SERINC5: variants seen among roughly 807,000 people sequenced by gnomAD.
SERINC5 encodes the protein chromosome 5 open reading frame 12.
A neutral mutation model predicts 63.1 loss-of-function variants in SERINC5; 41 were observed. The ratio of observed to expected loss-of-function variants is 0.65; its 90% CI spans 0.51 to 0.84. The LOEUF (loss-of-function observed/expected upper bound fraction) is 0.84, where lower values mean the gene tolerates loss of function less well. Among genes scored for constraint, SERINC5 ranks in the 40% least tolerant of loss-of-function variants. SERINC5 has a pLI of 0.00. For missense variants in SERINC5, 523 were observed against 573.0 expected (o/e 0.91, Z 0.89); for synonymous variants, 222 against 215.2 (o/e 1.03, Z -0.28).
chr5:80,198,656 A>G, intron 2 of SERINC5: 1 of 985,410 alleles, frequency 1.0e-6, no homozygotes, highest in African/African-American at 1.7e-5. Context: ...GCAGGAGCCC[A>G]GTGTGCGTCC....
chr5:80,121,920 G>C (rs1253332270), intron 11 of SERINC5, among the ~76,000 whole-genome samples: 1 of 151,752 alleles, frequency 6.6e-6, no homozygotes, highest in African/African-American at 2.4e-5. Context: ...CTGCCCCCAC[G>C]ACCCAGACAC....
chr5:80,177,766 A>C lies in SERINC5; in HGVS notation c.374+120T>G, dbSNP rs566225205. 20 of 808,944 alleles carry C rather than the reference A, an allele frequency of 2.5e-5. No homozygotes were observed. The African/African-American group carries it at 3.5e-4, about 14-fold the overall frequency. The allele number at this position is 808,944 out of a possible 1,614,324, so 50.1% of individuals were successfully genotyped here. A position where few individuals can be genotyped will look rare whatever the true frequency, so the allele number is the denominator to read the frequency against. On this transcript the variant is annotated intron_variant, in intron 3 of 11. Transcript: ENST00000507668. ...AAGTATCAATTCCACCTTCCCCTAA[A>C]TCAACAATTTCAACTAGAAGAAGGG...
intron 1 of SERINC5, among the ~76,000 whole-genome samples, chr5:80,243,956 G>A (rs1436375207): frequency 2.0e-5 from 3 of 151,968 alleles, no homozygotes. Flanking sequence ...GAAGAAAAAA[G>A]GGGATGGAGG....
At chr5:80,158,504 T>C (rs965188379) in intron 8 of SERINC5, 4 of 248,706 alleles carry the variant, frequency 1.6e-5, no homozygotes, top group African/African-American at 6.7e-5. Flanking sequence ...AGTAAAGGTA[T>C]AGCAAACTAC....
rs2112277157 is a variant in SERINC5, at chr5:80,139,134, C to T, written c.*4529G>A. On this transcript the variant is annotated 3_prime_UTR_variant, in exon 12 of 12. Transcript: ENST00000507668. The stretch of plus-strand genomic sequence containing the variant: ...ATTGCATTTTCAAATTCTAATGTAG[C>T]AAAACGTAACCACATAATTTGGCTA... 1 of 985,138 alleles carries T rather than the reference C, an allele frequency of 1.0e-6. No homozygotes were observed. Among genetic ancestry groups the T allele is most frequent in the South Asian group, 4.7e-5 (1 of 21,286 alleles). The allele number at this position is 985,138 out of a possible 1,614,324, so 61.0% of individuals were successfully genotyped here.
At position 80,256,004 on chromosome 5, in the gene SERINC5, G is replaced by A. The variant is rs1752670648; in HGVS notation, c.-82C>T. The stretch of plus-strand genomic sequence containing the variant: ...CTGGCTGCCTCGCGCCTCGAGCGCT[G>A]GGCTCAGCCGCAGCTCACACTTGAA... On this transcript the variant is annotated 5_prime_UTR_variant, in exon 1 of 12. Transcript: ENST00000507668. The A allele has an allele frequency of 2.2e-6, 3 of 1,339,150 alleles. No individual in the cohort carries two copies. The Admixed American group carries it at 8.8e-5, about 39-fold the overall frequency. The allele number at this position is 1,339,150 out of a possible 1,614,324, so 83.0% of individuals were successfully genotyped here.
chr5:80,140,896 G>A lies in SERINC5; in HGVS notation c.*2767C>T. 2.0e-6 allele frequency: 2 copies of A among 985,116 alleles called. No homozygotes were observed. The highest frequency in any genetic ancestry group is 9.4e-5 in the South Asian group (2 of 21,278). 61.0% of individuals were successfully genotyped at this position (985,116 alleles called of 1,614,324 possible). ...CAGCTTCTGGGAATATACTCTTTAG[G>A]TCATGTACAAAAAGGTGTAGGAAGC... On this transcript the variant is annotated 3_prime_UTR_variant, in exon 12 of 12. Coordinates refer to ENST00000507668, the MANE Select transcript of SERINC5 (RefSeq NM_001174072.3).
At chr5:80,205,436 T>TG (rs1750107169) in intron 1 of SERINC5, among the ~76,000 whole-genome samples, 1 of 152,230 alleles carries the variant, frequency 6.6e-6, no homozygotes, top group African/African-American at 2.4e-5. Flanking sequence ...GGTGCTGGGA[T>TG]GGGAAAGGCC....
intron 2 of SERINC5, among the ~76,000 whole-genome samples, chr5:80,202,421 T>C (rs1749897680): frequency 6.6e-6 from 1 of 151,978 alleles, no homozygotes. Context: ...ATGTGTCCAA[T>C]GATGGACAAT....
intron 1 of SERINC5, among the ~76,000 whole-genome samples, chr5:80,239,617 A>G (rs1751862411): frequency 6.6e-6 from 1 of 152,134 alleles, no homozygotes; most frequent in Non-Finnish European, 1.5e-5. Flanking sequence ...AGAAACAGGA[A>G]TATCAACCAA....
chr5:80,164,291 C>CT (rs949208086), intron 7 of SERINC5, among the ~76,000 whole-genome samples: 6 of 135,550 alleles, frequency 4.4e-5, no homozygotes, highest in South Asian at 2.3e-4. Context: ...AACAAACCAC[C>CT]TTTTTTTTGT....
At chr5:80,165,398 A>T (rs1747227161) in intron 7 of SERINC5, among the ~76,000 whole-genome samples, 1 of 152,200 alleles carries the variant, frequency 6.6e-6, no homozygotes. Flanking sequence ...CATTTATTTG[A>T]CTTATATAAG....
chr5:80,114,771 G>A (rs1419128486), intron 11 of SERINC5: 1 of 151,850 alleles, frequency 6.6e-6, no homozygotes, highest in African/African-American at 2.4e-5. Flanking sequence ...CCCACAACAT[G>A]GGGGGATTAC....
intron 6 of SERINC5, 106 bp downstream of exon 6, chr5:80,169,229 A>G: frequency 1.1e-6 from 1 of 894,336 alleles, no homozygotes; most frequent in Non-Finnish European, 1.8e-6. Context: ...AAGTTAAGGA[A>G]TACACTAGTT....
chr5:80,200,409 C>A (rs1749757977), intron 2 of SERINC5, among the ~76,000 whole-genome samples: 1 of 151,512 alleles, frequency 6.6e-6, no homozygotes, highest in African/African-American at 2.4e-5. Flanking sequence ...TGGCGTGAAC[C>A]CAGGAGGCAG....
intron 6 of SERINC5, among the ~76,000 whole-genome samples, chr5:80,167,605 AATG>A (rs1747386857): frequency 6.6e-6 from 1 of 152,146 alleles, no homozygotes; most frequent in African/African-American, 2.4e-5. Context: ...TGCTGGACCT[AATG>A]ATAGTTTTGT....
chr5:80,134,955 C>A (rs1006387871), downstream of SERINC5, among the ~76,000 whole-genome samples: 1 of 152,218 alleles, frequency 6.6e-6, no homozygotes, highest in Admixed American at 6.5e-5. Context: ...TGAACTAACA[C>A]AAGCACCACT....
intron 1 of SERINC5, among the ~76,000 whole-genome samples, chr5:80,213,402 A>C (rs1380075626): frequency 6.6e-6 from 1 of 152,188 alleles, no homozygotes; most frequent in Non-Finnish European, 1.5e-5. Flanking sequence ...CAAGGCTCAG[A>C]GAGGTTAAAC....
chr5:80,140,305 CAAAAAAAAAAAAAA>C lies in SERINC5; in HGVS notation c.*3344_*3357del, dbSNP rs55718546. 4.4e-5 allele frequency: 21 copies of C among 478,218 alleles called. No individual in the cohort carries two copies. The highest frequency in any genetic ancestry group is 4.4e-4 in the South Asian group (4 of 9,120). 29.6% of individuals were successfully genotyped at this position (478,218 alleles called of 1,614,324 possible). On this transcript the variant is annotated 3_prime_UTR_variant, in exon 12 of 12. Coordinates refer to ENST00000507668, the MANE Select transcript of SERINC5 (RefSeq NM_001174072.3). ...GTGGCTGACAGAGTGAGCCCGTCTC[CAAAAAAAAAAAAAA>C]AAAAAAAAAAAAAGGCTTAGGGTGA...
Sources: allele counts gnomAD v4.1 joint callset (sites outside exome capture counted in the v4.1 genomes callset), GRCh38; gene constraint gnomAD v4.1.1; transcripts MANE v1.5; gene names NCBI Gene and HGNC (gene_info 2026-07-23, HGNC 2026-07-21).